The following THEMIS variants were observed in gnomAD, a reference collection of about 807,000 sequenced individuals.
The protein encoded by THEMIS is protein THEMIS.
Under a neutral mutation model 52.6 loss-of-function variants are expected in THEMIS, and 37 were observed. That is an observed-to-expected ratio of 0.70 (90% CI 0.54 to 0.93). The LOEUF (loss-of-function observed/expected upper bound fraction) is 0.93. THEMIS is among the 40% of genes least tolerant of loss of function. The pLI is 0.00. For synonymous variants in THEMIS, 292 were observed against 272.7 expected, an observed-to-expected ratio of 1.07 and a Z score of -0.70; for missense variants, 808 against 763.1, an observed-to-expected ratio of 1.06 and a Z score of -0.69.
intron 2 of THEMIS, among the ~76,000 whole-genome samples, chr6:127,844,107 A>ATT (rs1377481779): frequency 3.9e-5 from 6 of 152,016 alleles, no homozygotes; most frequent in African/African-American, 1.4e-4. Flanking sequence ...GTGGATATTG[A>ATT]ACATTTGAAA....
At chr6:127,790,089 C>T (rs912674540) in intron 4 of THEMIS, among the ~76,000 whole-genome samples, 6 of 152,184 alleles carry the variant, frequency 3.9e-5, no homozygotes, top group Admixed American at 2.0e-4. Flanking sequence ...GCCAAATTGT[C>T]TCTGTTTGCA....
chr6:127,857,603 T>C (rs773416802), intron 1 of THEMIS, among the ~76,000 whole-genome samples: 7 of 152,050 alleles, frequency 4.6e-5, no homozygotes, highest in Non-Finnish European at 1.0e-4. Flanking sequence ...CCAGTTATCA[T>C]GGTCCAAAAA....
intron 4 of THEMIS, among the ~76,000 whole-genome samples, chr6:127,750,907 T>A (rs185211968): frequency 4.5e-4 from 69 of 151,700 alleles, no homozygotes; most frequent in African/African-American, 1.6e-3. Flanking sequence ...AGAAATACTT[T>A]CCCAGGCAAA....
intron 1 of THEMIS, among the ~76,000 whole-genome samples, chr6:127,882,231 A>G (rs1780508117): frequency 6.6e-6 from 1 of 151,786 alleles, no homozygotes; most frequent in South Asian, 2.1e-4. Context: ...TACAGTATCA[A>G]TGTGTTACAT....
intron 4 of THEMIS, among the ~76,000 whole-genome samples, chr6:127,723,284 C>G (rs1278392506): frequency 1.3e-5 from 2 of 151,988 alleles, no homozygotes; most frequent in Admixed American, 6.6e-5. Flanking sequence ...GTTTTACCTG[C>G]CAGACTTCAA....
At chr6:127,870,346 A>G (rs1371909619) in intron 1 of THEMIS, among the ~76,000 whole-genome samples, 2 of 152,296 alleles carry the variant, frequency 1.3e-5, no homozygotes, top group African/African-American at 2.4e-5. Flanking sequence ...CTCACTTCCT[A>G]AAGTGTCACA....
At chr6:127,830,654 C>A (rs1320750436) in intron 2 of THEMIS, among the ~76,000 whole-genome samples, 1 of 151,680 alleles carries the variant, frequency 6.6e-6, no homozygotes, top group Non-Finnish European at 1.5e-5. Flanking sequence ...CCACTGCACT[C>A]CAGCCTGGGC....
At chr6:127,897,939 A>T (rs1236741969) in intron 1 of THEMIS, among the ~76,000 whole-genome samples, 1 of 151,204 alleles carries the variant, frequency 6.6e-6, no homozygotes, top group African/African-American at 2.4e-5. Flanking sequence ...GGAATAACAT[A>T]CACTGAAAAT....
chr6:127,813,887 C>T lies in THEMIS; in HGVS notation c.754G>A (p.Val252Ile), dbSNP rs149465286. The change falls in exon 4 of 6, where the codon GTC (valine) becomes ATC (isoleucine). Residue 252 changes from valine (V) to isoleucine (I), a missense_variant. Transcript: ENST00000368248. Reference sequence around the variant, plus strand: ...TCGTAAGAATCAGTGATGTCTTTGACTTCGACATCTAGACTGGGGAGGATG... The same window carrying T: ...TCGTAAGAATCAGTGATGTCTTTGATTTCGACATCTAGACTGGGGAGGATG... ...IRILPSLDVE[V>I]KDITDSYDAN... 95 of 1,601,548 alleles carry T rather than the reference C, an allele frequency of 5.9e-5. No homozygotes were observed. In the African/African-American group the frequency reaches 8.1e-4, roughly 14 times the overall value.
rs114686552 is a variant in THEMIS, at chr6:127,845,075, A to G, written c.250+9955T>C. 4.7e-3 allele frequency among the ~76,000 whole-genome samples: 714 copies of G among 150,666 alleles called. 5 individuals are homozygous for G. Among genetic ancestry groups the G allele is most frequent in the African/African-American group, 0.016 (659 of 41,226 alleles). On this transcript the variant is annotated intron_variant, in intron 2 of 5. Transcript: ENST00000368248. Reference sequence around the variant, plus strand: ...TAGTAAAAAAAAAAAAGGCTCCAGTATATCCCCTGAAAGTGTGCTTGTCAA... The same window carrying G: ...TAGTAAAAAAAAAAAAGGCTCCAGTGTATCCCCTGAAAGTGTGCTTGTCAA...
At chr6:127,841,332 A>T (rs1422087272) in intron 2 of THEMIS, among the ~76,000 whole-genome samples, 3 of 152,066 alleles carry the variant, frequency 2.0e-5, no homozygotes, top group Admixed American at 1.3e-4. Flanking sequence ...GAAACAGAAG[A>T]TCCAATTGTT....
At chr6:127,771,805 A>C (rs1328636173) in intron 4 of THEMIS, among the ~76,000 whole-genome samples, 2 of 152,144 alleles carry the variant, frequency 1.3e-5, no homozygotes, top group Non-Finnish European at 2.9e-5. Flanking sequence ...CCATAATTAC[A>C]AAGTTATTAT....
chr6:127,845,679 A>T (rs1779189186), intron 2 of THEMIS, among the ~76,000 whole-genome samples: 1 of 151,890 alleles, frequency 6.6e-6, no homozygotes, highest in Non-Finnish European at 1.5e-5. Flanking sequence ...TTTTGAACTC[A>T]TTATTGGGGA....
chr6:127,844,612 T>C (rs1172651832), intron 2 of THEMIS, among the ~76,000 whole-genome samples: 1 of 151,862 alleles, frequency 6.6e-6, no homozygotes, highest in Non-Finnish European at 1.5e-5. Context: ...ATGTTCTTCA[T>C]AAAAATGGTA....
intron 3 of THEMIS, among the ~76,000 whole-genome samples, chr6:127,821,772 G>A (rs1778348893): frequency 6.6e-6 from 1 of 151,946 alleles, no homozygotes; most frequent in Admixed American, 6.6e-5. Flanking sequence ...AGCTTGGTTG[G>A]TGATGGGCAA....
intron 4 of THEMIS, among the ~76,000 whole-genome samples, chr6:127,801,859 G>A (rs926795164): frequency 6.6e-6 from 1 of 152,146 alleles, no homozygotes; most frequent in Non-Finnish European, 1.5e-5. Flanking sequence ...CCCATGAGGA[G>A]ATGCACTACA....
intron 4 of THEMIS, among the ~76,000 whole-genome samples, chr6:127,760,294 A>T (rs1775978990): frequency 6.6e-6 from 1 of 152,080 alleles, no homozygotes; most frequent in Non-Finnish European, 1.5e-5. Flanking sequence ...TAGATTTGTA[A>T]TATATTTTGA....
At chr6:127,774,023 C>A (rs553190114) in intron 4 of THEMIS, among the ~76,000 whole-genome samples, 100 of 152,296 alleles carry the variant, frequency 6.6e-4, no homozygotes, top group African/African-American at 2.2e-3. Context: ...TCCAAGATGG[C>A]TCACTACACG....
In THEMIS at chr6:127,740,472, A is replaced by G. The variant is rs536771531; in HGVS notation, c.1759-20649T>C. On this transcript the variant is annotated intron_variant, in intron 4 of 5. Coordinates refer to ENST00000368248, the MANE Select transcript of THEMIS (RefSeq NM_001010923.3). ...TTATTTTTAAAATGCAACAAATGTGATTTAATCAAACTCAACTGCATAGTC... is the reference window on the plus strand; with the variant it reads ...TTATTTTTAAAATGCAACAAATGTGGTTTAATCAAACTCAACTGCATAGTC... 4.9e-5 allele frequency among the ~76,000 whole-genome samples: 7 copies of G among 141,660 alleles called. No individual in the cohort carries two copies. The South Asian group carries it at 1.5e-3, about 30-fold the overall frequency. 92.9% of individuals were successfully genotyped at this position (141,660 alleles called of 152,430 possible).
Sources: allele counts gnomAD v4.1 joint callset (sites outside exome capture counted in the v4.1 genomes callset), GRCh38; gene constraint gnomAD v4.1.1; transcripts MANE v1.5; gene names NCBI Gene and HGNC (gene_info 2026-07-23, HGNC 2026-07-21).